AKT3: variants seen among roughly 807,000 people sequenced by gnomAD.
AKT3 encodes the protein AKT serine/threonine kinase 3.
Under a neutral mutation model 65.3 loss-of-function variants are expected in AKT3, and 15 were observed. The ratio of observed to expected loss-of-function variants is 0.23; its 90% CI spans 0.15 to 0.35. AKT3 has a LOEUF of 0.35. AKT3 is among the 10% of genes least tolerant of loss of function. AKT3 has a pLI of 1.00. For missense variants in AKT3, 243 were observed against 576.5 expected, an observed-to-expected ratio of 0.42 and a Z score of 5.92; for synonymous variants, 206 against 183.8, an observed-to-expected ratio of 1.12 and a Z score of -0.98.
At chr1:243,752,657 A>G (rs1207192127) in intron 2 of AKT3, among the ~76,000 whole-genome samples, 1 of 152,186 alleles carries the variant, frequency 6.6e-6, no homozygotes, top group Non-Finnish European at 1.5e-5. Flanking sequence ...AATAACAGAA[A>G]CACTTTGCAG....
intron 2 of AKT3, among the ~76,000 whole-genome samples, chr1:243,770,452 A>C (rs1452095668): frequency 6.6e-6 from 1 of 152,134 alleles, no homozygotes; most frequent in Non-Finnish European, 1.5e-5. Flanking sequence ...CTCTTGCCAT[A>C]GTATCATACT....
intron 2 of AKT3, among the ~76,000 whole-genome samples, chr1:243,775,051 C>T (rs1690458403): frequency 6.6e-6 from 1 of 151,612 alleles, no homozygotes; most frequent in Admixed American, 6.6e-5. Flanking sequence ...TTTGTAAAGA[C>T]GAGGTTTCGT....
chr1:243,638,343 T>C (rs1680130538), intron 5 of AKT3, among the ~76,000 whole-genome samples: 2 of 152,174 alleles, frequency 1.3e-5, no homozygotes, highest in South Asian at 4.1e-4. Flanking sequence ...CTAAGAAGAA[T>C]ATCTTTAATT....
chr1:243,550,471 TAA>T (rs1055868309), intron 11 of AKT3, among the ~76,000 whole-genome samples: 1 of 149,464 alleles, frequency 6.7e-6, no homozygotes, highest in Non-Finnish European at 1.5e-5. Context: ...GGCTGACAAA[TAA>T]AAAAAAATGA....
chr1:243,795,482 T>G (rs1691930362), intron 2 of AKT3, among the ~76,000 whole-genome samples: 1 of 136,014 alleles, frequency 7.4e-6, no homozygotes, highest in African/African-American at 2.7e-5. Context: ...TTTGGTTTTT[T>G]TTTTTTTGAG....
At chr1:243,829,348 GT>G (rs1236883951) in intron 2 of AKT3, among the ~76,000 whole-genome samples, 2 of 152,114 alleles carry the variant, frequency 1.3e-5, no homozygotes, top group Admixed American at 6.6e-5. Flanking sequence ...AAGGTGAAGA[GT>G]TTGTAAGTAT....
At chr1:243,814,735 A>G (rs143196342) in intron 2 of AKT3, 2 of 152,358 alleles carry the variant, frequency 1.3e-5, no homozygotes, top group East Asian at 3.9e-4. Context: ...ACTGCATAAC[A>G]GATTACCACA....
chr1:243,518,304 T>C (rs1670495194), intron 12 of AKT3, among the ~76,000 whole-genome samples: 1 of 152,174 alleles, frequency 6.6e-6, no homozygotes, highest in Non-Finnish European at 1.5e-5. Flanking sequence ...CTACATTATG[T>C]ATATGGGGAA....
At chr1:243,803,674 AC>A (rs1692524736) in intron 2 of AKT3, among the ~76,000 whole-genome samples, 2 of 151,370 alleles carry the variant, frequency 1.3e-5, no homozygotes, top group Non-Finnish European at 2.9e-5. Flanking sequence ...ACACACACAC[AC>A]ACACACACAC....
At chr1:243,804,396 G>C (rs1415831351) in intron 2 of AKT3, among the ~76,000 whole-genome samples, 8 of 152,140 alleles carry the variant, frequency 5.3e-5, no homozygotes, top group African/African-American at 1.4e-4. Flanking sequence ...TTATGTATTA[G>C]CAATAATTGC....
At chr1:243,555,241 A>T (rs1437057640) in intron 10 of AKT3, among the ~76,000 whole-genome samples, 1 of 152,136 alleles carries the variant, frequency 6.6e-6, no homozygotes, top group African/African-American at 2.4e-5. Context: ...TAACAACTAA[A>T]ATCCCTCTTT....
chr1:243,638,940 C>G (rs982756714), intron 5 of AKT3, among the ~76,000 whole-genome samples: 6 of 151,692 alleles, frequency 4.0e-5, no homozygotes, highest in African/African-American at 1.5e-4. Flanking sequence ...ATCAGTGAAA[C>G]CAAAAGCTAG....
intron 2 of AKT3, among the ~76,000 whole-genome samples, chr1:243,749,739 ATTTTC>A (rs898861701): frequency 1.3e-5 from 2 of 152,084 alleles, no homozygotes; most frequent in African/African-American, 2.4e-5. Flanking sequence ...GCTGTAATCT[ATTTTC>A]TTTCCTTTTA....
Position 243,672,418 on chromosome 1 carries a change from G to C in AKT3, c.173-7535C>G, listed in dbSNP as rs535087222. On this transcript the variant is annotated intron_variant, in intron 3 of 13. Transcript: ENST00000673466. ...CAGCTCCGCATTGCTAGTTATTTTT[G>C]TCTGAACCATTTGCGTTTTATCACC... is the stretch of plus-strand genomic sequence containing the variant. 2.0e-5 allele frequency among the ~76,000 whole-genome samples: 3 copies of C among 152,270 alleles called. No individual in the cohort carries two copies. The South Asian group carries it at 6.2e-4, about 32-fold the overall frequency.
chr1:243,720,262 C>T (rs1435824180), intron 2 of AKT3, among the ~76,000 whole-genome samples: 1 of 152,070 alleles, frequency 6.6e-6, no homozygotes, highest in East Asian at 1.9e-4. Flanking sequence ...CGTGCCATTG[C>T]ACTCCAGCCT....
In AKT3 at chr1:243,504,347, C is replaced by T; in HGVS notation, c.*902G>A. The T allele has an allele frequency of 5.0e-6, 1 of 201,796 alleles. No individual in the cohort carries two copies. The highest frequency in any genetic ancestry group is 7.7e-5 in the East Asian group (1 of 13,048). 12.5% of individuals were successfully genotyped at this position (201,796 alleles called of 1,614,324 possible). ...ATTAAATAAGGCAAACACCTGTTTA[C>T]CTTGGTGTAGAAATTTTGGTGAAAA... On this transcript the variant is annotated 3_prime_UTR_variant, in exon 14 of 14. Transcript: ENST00000673466.
rs535713911 is a variant in AKT3, at chr1:243,829,515, C to G, written c.46+13610G>C. Among the ~76,000 whole-genome samples the G allele has an allele frequency of 3.9e-4, 59 of 152,144 alleles. 1 individual carries two copies. Among genetic ancestry groups the G allele is most frequent in the African/African-American group, 1.3e-3 (54 of 41,522 alleles). ...AAAAGATTAATCAAATAAAGGTATT[C>G]TCAATACACAAAAAGCTCTTACCAA... On this transcript the variant is annotated intron_variant, in intron 2 of 13. Transcript: ENST00000673466.
At chr1:243,597,725 C>T (rs746666123) in intron 8 of AKT3, among the ~76,000 whole-genome samples, 1 of 152,202 alleles carries the variant, frequency 6.6e-6, no homozygotes, top group African/African-American at 2.4e-5. Context: ...TGGTCTTGAA[C>T]TCTTGGGTTC....
At chr1:243,843,095 C>G in intron 2 of AKT3, 30 bp downstream of exon 2, 1 of 1,611,742 alleles carries the variant, frequency 6.2e-7, no homozygotes, top group South Asian at 1.1e-5. Flanking sequence ...TCTTACCAAC[C>G]GTATTATTTT....
Sources: gnomAD v4.1 joint callset for allele counts (sites outside exome capture counted in the v4.1 genomes callset) on GRCh38, gnomAD v4.1.1 for gene constraint, MANE v1.5 for transcripts, NCBI Gene and HGNC (gene_info 2026-07-23, HGNC 2026-07-21) for gene names.